FAM83D: variants seen among roughly 807,000 people sequenced by gnomAD.
FAM83D encodes the protein protein FAM83D.
In FAM83D, 26 loss-of-function variants were observed where a neutral mutation model predicts 25.4. The observed-to-expected ratio is 1.02, with a 90% CI of 0.75 to 1.42. FAM83D has a LOEUF of 1.42. Ranked by LOEUF, FAM83D falls within the 40% of genes most tolerant of loss-of-function variation. The pLI is 0.00. For synonymous variants in FAM83D, 310 were observed against 318.5 expected, an observed-to-expected ratio of 0.97 and a Z score of 0.28; for missense variants, 740 against 758.1, an observed-to-expected ratio of 0.98 and a Z score of 0.28.
chr20:38,926,840 C>G lies in FAM83D; in HGVS notation c.398C>G (p.Thr133Arg). The G allele has an allele frequency of 6.5e-7, 1 of 1,532,450 alleles. No individual in the cohort carries two copies. Among genetic ancestry groups the G allele is most frequent in the Admixed American group, 2.0e-5 (1 of 50,420 alleles). 94.9% of individuals were successfully genotyped at this position (1,532,450 alleles called of 1,614,324 possible). The change falls in exon 1 of 4, where the codon ACG (threonine) becomes AGG (arginine). Residue 133 changes from threonine to arginine, a missense_variant. By Grantham distance (71) the Thr-to-Arg change is moderately conservative (BLOSUM62 -1). Transcript: ENST00000619850. The stretch of plus-strand genomic sequence containing the variant: ...TACCGCGGCGCCACGCGTGTCGAGA[C>G]GCACTTCCAGCCCCGCGGCGCTGGC... ...GAYRGATRVE[T>R]HFQPRGAGEG...
rs2085637875 is a variant in FAM83D at position 38,926,837 on chromosome 20, A to G, written c.395A>G (p.Glu132Gly). Residue 132 changes from glutamate (E) to glycine (G), a missense_variant, in exon 1 of 4, where the codon GAG (glutamate) becomes GGG (glycine). Physicochemically the swap from Glu to Gly is moderately conservative, Grantham distance 98. Around this residue, in one of 3 missense-constraint regions of FAM83D, gnomAD observed 333 missense variants for 298.6 expected, o/e 1.12. Coordinates refer to ENST00000619850, the MANE Select transcript of FAM83D (RefSeq NM_030919.3). ...QGAYRGATRV[E>G]THFQPRGAGE... ...GCCTACCGCGGCGCCACGCGTGTCGAGACGCACTTCCAGCCCCGCGGCGCT... is the reference window on the plus strand; with the variant it reads ...GCCTACCGCGGCGCCACGCGTGTCGGGACGCACTTCCAGCCCCGCGGCGCT... The G allele has an allele frequency of 6.5e-7, 1 of 1,533,368 alleles. No homozygotes were observed. Among genetic ancestry groups the G allele is most frequent in the South Asian group, 1.2e-5 (1 of 83,690 alleles). 95.0% of individuals were successfully genotyped at this position (1,533,368 alleles called of 1,614,324 possible). A position where few individuals can be genotyped will look rare whatever the true frequency, so the allele number is the denominator to read the frequency against.
At chr20:38,949,600 T>C (rs2085744075) in intron 3 of FAM83D, among the ~76,000 whole-genome samples, 1 of 152,206 alleles carries the variant, frequency 6.6e-6, no homozygotes, top group Admixed American at 6.5e-5. Flanking sequence ...AACCTACTTC[T>C]GGTACAAATA....
At position 38,947,879 on chromosome 20, in the gene FAM83D, A is replaced by G; in HGVS notation, c.655A>G (p.Met219Val). 4 of 1,614,108 alleles carry G rather than the reference A, an allele frequency of 2.5e-6. No homozygotes were observed. The highest frequency in any genetic ancestry group is 2.5e-6 in the Non-Finnish European group (3 of 1,179,976). ...TTCTCCCACTCCCTGCCAACAGTTAATGACAGTTCGGACTATCACAGGAAA... is the reference window on the plus strand; with the variant it reads ...TTCTCCCACTCCCTGCCAACAGTTAGTGACAGTTCGGACTATCACAGGAAA... ...LKVHPEQEKLMTVRTITGNIY... is the reference protein window; with the variant it reads ...LKVHPEQEKLVTVRTITGNIY... The change falls in exon 3 of 4, where the codon ATG becomes GTG. Residue 219 changes from methionine to valine, a missense_variant. Around this residue, in one of 3 missense-constraint regions of FAM83D, gnomAD observed 32 missense variants for 56.2 expected, o/e 0.57. Coordinates refer to ENST00000619850, the MANE Select transcript of FAM83D (RefSeq NM_030919.3).
chr20:38,937,817 G>A (rs2085684892), intron 1 of FAM83D, among the ~76,000 whole-genome samples: 1 of 152,116 alleles, frequency 6.6e-6, no homozygotes, highest in African/African-American at 2.4e-5. Context: ...AATTAGCCAG[G>A]TGTGGTGGCG....
chr20:38,949,488 C>T (rs1452359239), intron 3 of FAM83D, among the ~76,000 whole-genome samples: 1 of 152,192 alleles, frequency 6.6e-6, no homozygotes, highest in Non-Finnish European at 1.5e-5. Context: ...TCAAAAGAAT[C>T]TTCCTTCTCA....
rs1243358713 is a variant in FAM83D at position 38,947,860 on chromosome 20, C to T, written c.652-16C>T. 1.9e-6 allele frequency: 3 copies of T among 1,612,790 alleles called. No individual in the cohort carries two copies. Among genetic ancestry groups the T allele is most frequent in the Non-Finnish European group, 2.5e-6 (3 of 1,179,290 alleles). On this transcript the variant is annotated splice_polypyrimidine_tract_variant and intron_variant, in intron 2 of 3. Transcript: ENST00000619850. ...CTGAATTGTTCATTTATATTTCTCCCACTCCCTGCCAACAGTTAATGACAG... is the reference window on the plus strand; with the variant it reads ...CTGAATTGTTCATTTATATTTCTCCTACTCCCTGCCAACAGTTAATGACAG...
rs1219315494 is a variant in FAM83D, at chr20:38,952,965, A to G, written c.*445A>G. 6.3e-6 allele frequency: 1 copy of G among 158,714 alleles called. No individual in the cohort carries two copies. Among genetic ancestry groups the G allele is most frequent in the Non-Finnish European group, 1.4e-5 (1 of 71,730 alleles). 9.8% of individuals were successfully genotyped at this position (158,714 alleles called of 1,614,324 possible). On this transcript the variant is annotated 3_prime_UTR_variant, in exon 4 of 4. Coordinates refer to ENST00000619850, the MANE Select transcript of FAM83D (RefSeq NM_030919.3). ...CTGTTTTGCATTTTTCTTAGGTTGTATGCTCTTCTGTTTTAAAGGTTTGAA... is the reference window on the plus strand; with the variant it reads ...CTGTTTTGCATTTTTCTTAGGTTGTGTGCTCTTCTGTTTTAAAGGTTTGAA...
Position 38,926,602 on chromosome 20 carries a change from G to T in FAM83D, c.160G>T (p.Glu54Ter). Reference sequence around the variant, plus strand: ...AGCCTTCGCGGCCTTCCTGCGACGCGAGCGCCTGGCTCGTTTCCTGAACCC... The same window carrying T: ...AGCCTTCGCGGCCTTCCTGCGACGCTAGCGCCTGGCTCGTTTCCTGAACCC... ...PEAFAAFLRR[E>*]RLARFLNPDE... Residue 54 changes from glutamate to a stop codon, truncating the protein, a stop_gained, in exon 1 of 4, where the codon GAG becomes TAG. Coordinates refer to ENST00000619850, the MANE Select transcript of FAM83D (RefSeq NM_030919.3). LOFTEE classifies it high-confidence loss of function. 6.5e-7 allele frequency: 1 copy of T among 1,544,534 alleles called. No individual in the cohort carries two copies.
At chr20:38,938,918 A>G (rs1442945195) in intron 1 of FAM83D, among the ~76,000 whole-genome samples, 1 of 152,024 alleles carries the variant, frequency 6.6e-6, no homozygotes, top group Non-Finnish European at 1.5e-5. Flanking sequence ...ACCTATACCA[A>G]TCTCTTCTGG....
intron 1 of FAM83D, among the ~76,000 whole-genome samples, chr20:38,928,453 T>G (rs1016120945): frequency 3.3e-5 from 5 of 152,158 alleles, no homozygotes; most frequent in Non-Finnish European, 5.9e-5. Context: ...GGTTTTTTGA[T>G]GCAGCAGACA....
At position 38,951,654 on chromosome 20, in the gene FAM83D, A is replaced by G; in HGVS notation, c.892A>G (p.Ser298Gly). Residue 298 changes from serine (S) to glycine (G), a missense_variant, in exon 4 of 4, where the codon AGC becomes GGC. This residue lies in a region of FAM83D where 375 missense variants were observed against 403.2 expected (regional missense o/e 0.93). Coordinates refer to ENST00000619850, the MANE Select transcript of FAM83D (RefSeq NM_030919.3). ...RILYAQSKPI[S>G]PKLLSHFQSS... ...CCTGTATGCCCAGTCCAAGCCCATCAGCCCCAAACTCCTGTCTCACTTCCA... is the reference window on the plus strand; with the variant it reads ...CCTGTATGCCCAGTCCAAGCCCATCGGCCCCAAACTCCTGTCTCACTTCCA... 6.2e-7 allele frequency: 1 copy of G among 1,614,200 alleles called. No homozygotes were observed. Among genetic ancestry groups the G allele is most frequent in the East Asian group, 2.2e-5 (1 of 44,884 alleles).
At chr20:38,937,868 G>A (rs150755299) in intron 1 of FAM83D, among the ~76,000 whole-genome samples, 79 of 152,260 alleles carry the variant, frequency 5.2e-4, no homozygotes, top group Non-Finnish European at 9.3e-4. Flanking sequence ...TGAGGTGGGA[G>A]GATTGCTTGT....
At chr20:38,943,024 C>CT (rs112144207) in intron 2 of FAM83D, among the ~76,000 whole-genome samples, 43,651 of 141,676 alleles carry the variant, frequency 0.31, 6,737 homozygotes, top group Middle Eastern at 0.5. Flanking sequence ...CTGCTCCATG[C>CT]TTTTTTTTTT....
chr20:38,940,412 A>C (rs1320162112), intron 1 of FAM83D, among the ~76,000 whole-genome samples: 2 of 152,158 alleles, frequency 1.3e-5, no homozygotes, highest in Non-Finnish European at 2.9e-5. Context: ...TTAAGGAGTC[A>C]TGACTGTCAT....
At chr20:38,940,796 C>G (rs1472377757) in intron 1 of FAM83D, among the ~76,000 whole-genome samples, 1 of 152,188 alleles carries the variant, frequency 6.6e-6, no homozygotes, top group Non-Finnish European at 1.5e-5. Context: ...AGCAGCCTGT[C>G]TTTAAAAGAG....
intron 1 of FAM83D, among the ~76,000 whole-genome samples, chr20:38,928,689 T>C (rs2085646675): frequency 1.3e-5 from 2 of 152,164 alleles, no homozygotes; most frequent in Admixed American, 6.5e-5. Flanking sequence ...AGGGAAACTA[T>C]TAAACTCACG....
intron 1 of FAM83D, among the ~76,000 whole-genome samples, chr20:38,938,281 G>T (rs1400966671): frequency 6.6e-6 from 1 of 152,216 alleles, no homozygotes; most frequent in African/African-American, 2.4e-5. Flanking sequence ...GCCTCCAGCA[G>T]GTCTCTAATC....
intron 1 of FAM83D, among the ~76,000 whole-genome samples, chr20:38,939,588 TA>T (rs1386443657): frequency 6.6e-6 from 1 of 152,150 alleles, no homozygotes; most frequent in Non-Finnish European, 1.5e-5. Context: ...TGACCTCAGG[TA>T]ATCCACCCAC....
intron 2 of FAM83D, 123 bp from the exon 3 acceptor site, chr20:38,947,753 C>A: frequency 1.7e-6 from 2 of 1,170,696 alleles, no homozygotes; most frequent in Non-Finnish European, 2.4e-6. Flanking sequence ...TGACCCTAAG[C>A]CACGCATATG....
Sources: gnomAD v4.1 joint callset for allele counts (sites outside exome capture counted in the v4.1 genomes callset) on GRCh38, gnomAD v4.1.1 for gene constraint, gnomAD v4.1.1 regional missense constraint, MANE v1.5 for transcripts, NCBI Gene and HGNC (gene_info 2026-07-23, HGNC 2026-07-21) for gene names.